The following PDE7B variants were observed in gnomAD, a reference collection of about 807,000 sequenced individuals.
PDE7B encodes the protein phosphodiesterase 7B.
Under a neutral mutation model 56.2 loss-of-function variants are expected in PDE7B, and 29 were observed. The observed-to-expected ratio is 0.52, with a 90% CI of 0.38 to 0.70. The LOEUF (loss-of-function observed/expected upper bound fraction) is 0.70, where lower values mean the gene tolerates loss of function less well. Ranked by LOEUF, PDE7B falls within the 30% of genes least tolerant of loss-of-function variation. The pLI, the probability that PDE7B is intolerant of heterozygous loss-of-function variation, is 0.00. For missense variants in PDE7B, 490 were observed against 565.0 expected (o/e 0.87, Z 1.35); for synonymous variants, 197 against 196.9 (o/e 1.00, Z 0.00).
chr6:136,172,179 T>C (rs1242959365), intron 8 of PDE7B, among the ~76,000 whole-genome samples: 1 of 152,174 alleles, frequency 6.6e-6, no homozygotes, highest in Non-Finnish European at 1.5e-5. Flanking sequence ...TGTCAAATGG[T>C]ATTTCTAGTT....
At position 135,851,957 on chromosome 6, in the gene PDE7B, T is replaced by G; in HGVS notation, c.-42T>G. On this transcript the variant is annotated 5_prime_UTR_variant, in exon 1 of 13. Transcript: ENST00000308191. ...ATGAACAAGCAGCACCGCTCAGAGA[T>G]TTCACGGCATTCAAAGGTCACAGAA... The G allele has an allele frequency of 6.5e-7, 1 of 1,544,866 alleles. No individual in the cohort carries two copies.
intron 3 of PDE7B, among the ~76,000 whole-genome samples, chr6:136,123,603 G>T (rs1283806165): frequency 6.6e-6 from 1 of 152,172 alleles, no homozygotes; most frequent in Non-Finnish European, 1.5e-5. Flanking sequence ...GCCAAACAAG[G>T]ATAACCTGTT....
chr6:136,117,343 C>T (rs190723180), intron 3 of PDE7B, among the ~76,000 whole-genome samples: 36 of 152,230 alleles, frequency 2.4e-4, no homozygotes, highest in African/African-American at 8.2e-4. Context: ...AAACCAAATG[C>T]AGGGCTATTT....
intron 1 of PDE7B, among the ~76,000 whole-genome samples, chr6:135,905,811 G>C (rs1053180678): frequency 2.6e-5 from 4 of 152,156 alleles, no homozygotes; most frequent in Non-Finnish European, 5.9e-5. Flanking sequence ...TTTCTGGACA[G>C]AAAGGACTGA....
chr6:136,064,143 T>A (rs1776891236), intron 2 of PDE7B, among the ~76,000 whole-genome samples: 1 of 152,190 alleles, frequency 6.6e-6, no homozygotes, highest in Admixed American at 6.5e-5. Flanking sequence ...TGGGATTTGT[T>A]TTAGCGTGCA....
At chr6:136,163,602 G>C (rs185279200) in intron 8 of PDE7B, among the ~76,000 whole-genome samples, 4 of 152,344 alleles carry the variant, frequency 2.6e-5, no homozygotes, top group African/African-American at 9.6e-5. Context: ...CAGCTGGCTT[G>C]AATTTCTCCC....
chr6:136,173,872 T>G lies in PDE7B; in HGVS notation c.787T>G (p.Leu263Val). 1 of 1,611,534 alleles carries G rather than the reference T, an allele frequency of 6.2e-7. No individual in the cohort carries two copies. The highest frequency in any genetic ancestry group is 8.5e-7 in the Non-Finnish European group (1 of 1,177,782). ...MLRESRLLAH[L>V]PKEMTQDIEQ... ...TCGAGAATCAAGGCTTCTTGCTCAT[T>G]TGCCAAAGGAAATGACGTAAGTGCT... The change falls in exon 9 of 13, where the codon TTG becomes GTG. Residue 263 changes from leucine to valine, a missense_variant. Coordinates refer to ENST00000308191, the MANE Select transcript of PDE7B (RefSeq NM_018945.4).
At chr6:136,153,362 T>C (rs1778552640) in intron 6 of PDE7B, among the ~76,000 whole-genome samples, 1 of 152,190 alleles carries the variant, frequency 6.6e-6, no homozygotes, top group Non-Finnish European at 1.5e-5. Context: ...CTGAATATAT[T>C]GCATCCTAAG....
At chr6:136,080,758 G>C (rs944270420) in intron 2 of PDE7B, among the ~76,000 whole-genome samples, 2 of 152,214 alleles carry the variant, frequency 1.3e-5, no homozygotes, top group African/African-American at 2.4e-5. Context: ...ACTAGGGACA[G>C]AGCCAAGTGC....
chr6:135,923,805 T>A (rs576783597), intron 1 of PDE7B, among the ~76,000 whole-genome samples: 15 of 152,254 alleles, frequency 9.9e-5, no homozygotes, highest in African/African-American at 3.6e-4. Context: ...TTGTAAAATA[T>A]GACAATGAAT....
chr6:135,990,983 G>A (rs1775469199), intron 2 of PDE7B, among the ~76,000 whole-genome samples: 1 of 152,200 alleles, frequency 6.6e-6, no homozygotes, highest in Admixed American at 6.5e-5. Flanking sequence ...CTGGGAAAGG[G>A]GTGGGCAATT....
rs530076764 is a variant in PDE7B at position 135,914,871 on chromosome 6, G to A, written c.22-32593G>A. 2.0e-5 allele frequency among the ~76,000 whole-genome samples: 3 copies of A among 151,172 alleles called. No individual in the cohort carries two copies. In the South Asian group the frequency reaches 6.3e-4, roughly 32 times the overall value. On this transcript the variant is annotated intron_variant, in intron 1 of 12. Coordinates refer to ENST00000308191, the MANE Select transcript of PDE7B (RefSeq NM_018945.4). ...GCACTTTGGGAGGCCGAGGTGGGCA[G>A]ATCACGAGGTCAGGAGTTCGAGACC...
chr6:136,102,480 C>T (rs17253707), intron 2 of PDE7B, among the ~76,000 whole-genome samples: 3 of 152,278 alleles, frequency 2.0e-5, no homozygotes, highest in South Asian at 2.1e-4. Context: ...GTGAATGATG[C>T]GTAATCTTAC....
chr6:136,045,563 A>G (rs573331465), intron 2 of PDE7B, among the ~76,000 whole-genome samples: 7 of 152,290 alleles, frequency 4.6e-5, no homozygotes, highest in African/African-American at 1.7e-4. Context: ...AATTCTCATC[A>G]TGAGTGACAG....
Position 136,147,450 on chromosome 6 carries a change from T to C in PDE7B, c.266T>C (p.Ile89Thr). The change falls in exon 4 of 13, where the codon ATA (isoleucine) becomes ACA (threonine). Residue 89 changes from isoleucine (I) to threonine (T), a missense_variant. Transcript: ENST00000308191. ...FHASRLLRGIIPQAPLHLLDE... is the reference protein window; with the variant it reads ...FHASRLLRGITPQAPLHLLDE... ...GCATCAAGGCTGCTTCGTGGAATTATACCACAAGCCCCTCTGCACCTGCTG... is the reference window on the plus strand; with the variant it reads ...GCATCAAGGCTGCTTCGTGGAATTACACCACAAGCCCCTCTGCACCTGCTG... 6.2e-7 allele frequency: 1 copy of C among 1,613,948 alleles called. No homozygotes were observed. Among genetic ancestry groups the C allele is most frequent in the Admixed American group, 1.7e-5 (1 of 60,012 alleles).
chr6:136,038,403 C>T (rs368398865), intron 2 of PDE7B: 4 of 1,291,254 alleles, frequency 3.1e-6, no homozygotes, highest in South Asian at 1.2e-5. Context: ...CAGCAGGGGC[C>T]GCTGCCCTGG....
intron 1 of PDE7B, among the ~76,000 whole-genome samples, chr6:135,895,144 G>C (rs1190761876): frequency 6.6e-6 from 1 of 152,052 alleles, no homozygotes; most frequent in African/African-American, 2.4e-5. Context: ...AAAAAAAGGA[G>C]TTAGATACAA....
At chr6:135,968,573 T>G (rs188715815) in intron 2 of PDE7B, among the ~76,000 whole-genome samples, 1 of 152,236 alleles carries the variant, frequency 6.6e-6, no homozygotes, top group Non-Finnish European at 1.5e-5. Flanking sequence ...ATTATAGTAA[T>G]GCAAATCAAA....
intron 2 of PDE7B, among the ~76,000 whole-genome samples, chr6:136,086,349 TATTTA>T (rs1019546615): frequency 5.8e-4 from 88 of 151,904 alleles, no homozygotes; most frequent in African/African-American, 2.1e-3. Context: ...TAATGGCTTT[TATTTA>T]TTTTATTTTT....
Sources: gnomAD v4.1 joint callset for allele counts (sites outside exome capture counted in the v4.1 genomes callset) on GRCh38, gnomAD v4.1.1 for gene constraint, MANE v1.5 for transcripts, NCBI Gene and HGNC (gene_info 2026-07-23, HGNC 2026-07-21) for gene names.